Variants in EBF2 observed in about 807,000 individuals in gnomAD.
EBF2 encodes the protein transcription factor COE2.
A neutral mutation model predicts 72.8 loss-of-function variants in EBF2; 21 were observed. The ratio of observed to expected loss-of-function variants is 0.29; its 90% CI spans 0.20 to 0.42. The LOEUF (loss-of-function observed/expected upper bound fraction) is 0.42. Among genes scored for constraint, EBF2 ranks in the 10% least tolerant of loss-of-function variants. The probability of loss-of-function intolerance (pLI) is 1.00; values close to 1 mark genes in which losing one functional copy is unlikely to be tolerated. For synonymous variants in EBF2, 299 were observed against 274.2 expected (o/e 1.09, Z -0.89); for missense variants, 637 against 731.2 (o/e 0.87, Z 1.49).
At chr8:26,007,323 G>A (rs1444038111) in intron 6 of EBF2, among the ~76,000 whole-genome samples, 2 of 152,160 alleles carry the variant, frequency 1.3e-5, no homozygotes, top group African/African-American at 2.4e-5. Context: ...AACACCCCCT[G>A]TGGCCTCTGA....
intron 6 of EBF2, among the ~76,000 whole-genome samples, chr8:25,943,311 CAAA>C (rs71551840): frequency 4.6e-4 from 27 of 59,154 alleles, no homozygotes; most frequent in African/African-American, 1.1e-3. Flanking sequence ...TGTCTCTACA[CAAA>C]AAAAAAAAAA....
intron 6 of EBF2, among the ~76,000 whole-genome samples, chr8:26,002,082 A>G (rs1585222420): frequency 6.6e-6 from 1 of 152,200 alleles, no homozygotes; most frequent in East Asian, 1.9e-4. Context: ...AGCACAGACA[A>G]AGGGAACCGG....
chr8:25,843,144 C>T lies in EBF2; in HGVS notation c.*1465G>A, dbSNP rs770018325. Reference sequence around the variant, plus strand: ...AAGAGCCCATCAAAGGGCTGGGTAACTGTGCTGCATAGAACGCAGATGCCC... The same window carrying T: ...AAGAGCCCATCAAAGGGCTGGGTAATTGTGCTGCATAGAACGCAGATGCCC... On this transcript the variant is annotated 3_prime_UTR_variant, in exon 16 of 16. Transcript: ENST00000520164. 11 of 152,226 alleles carry T rather than the reference C, an allele frequency of 7.2e-5. No individual in the cohort carries two copies. The highest frequency in any genetic ancestry group is 4.4e-5 in the Non-Finnish European group (3 of 68,064). 9.4% of individuals were successfully genotyped at this position (152,226 alleles called of 1,614,324 possible).
At chr8:25,906,521 A>G (rs955282598) in intron 7 of EBF2, among the ~76,000 whole-genome samples, 1 of 152,010 alleles carries the variant, frequency 6.6e-6, no homozygotes, top group African/African-American at 2.4e-5. Context: ...AATCCCAGCA[A>G]TTTAGAAGGC....
chr8:25,977,922 A>G (rs1804295069), intron 6 of EBF2, among the ~76,000 whole-genome samples: 1 of 152,082 alleles, frequency 6.6e-6, no homozygotes, highest in Admixed American at 6.5e-5. Flanking sequence ...TTATTATTTC[A>G]TTATTTTCCC....
intron 6 of EBF2, among the ~76,000 whole-genome samples, chr8:25,970,704 TTA>T (rs752419533): frequency 9.9e-5 from 15 of 152,184 alleles, no homozygotes; most frequent in Non-Finnish European, 2.2e-4. Flanking sequence ...GGTGCTTGCA[TTA>T]TTGCTTGTCC....
At chr8:25,972,794 C>T (rs1282240236) in intron 6 of EBF2, among the ~76,000 whole-genome samples, 3 of 150,678 alleles carry the variant, frequency 2.0e-5, no homozygotes, top group East Asian at 2.0e-4. Context: ...CAATATAAGC[C>T]GTATTTCAAA....
In EBF2 at chr8:26,045,391, C is replaced by A. The variant is rs961100539; in HGVS notation, c.-532G>T. Reference sequence around the variant, plus strand: ...CCCGGCTGCAGCCGCGCGCGGGCCCCATGAATGGGTTACTACGGCCCTGGC... The same window carrying A: ...CCCGGCTGCAGCCGCGCGCGGGCCCAATGAATGGGTTACTACGGCCCTGGC... On this transcript the variant is annotated 5_prime_UTR_variant, in exon 1 of 16. The change abolishes an upstream ATG in the 5' untranslated region. Coordinates refer to ENST00000520164, the MANE Select transcript of EBF2 (RefSeq NM_022659.4). 1 of 152,364 alleles carries A rather than the reference C, an allele frequency of 6.6e-6. No homozygotes were observed. Among genetic ancestry groups the A allele is most frequent in the South Asian group, 2.1e-4 (1 of 4,832 alleles). The allele number at this position is 152,364 out of a possible 1,614,324, so 9.4% of individuals were successfully genotyped here. A position where few individuals can be genotyped will look rare whatever the true frequency, so the allele number is the denominator to read the frequency against.
intron 4 of EBF2, 44 bp from the exon 5 acceptor site, chr8:26,040,145 T>C: frequency 6.3e-7 from 1 of 1,579,220 alleles, no homozygotes; most frequent in Non-Finnish European, 8.7e-7. Context: ...TGGAGAGGGG[T>C]GGGGGGCAAG....
intron 6 of EBF2, among the ~76,000 whole-genome samples, chr8:25,975,438 C>A (rs1271181750): frequency 6.6e-6 from 1 of 152,122 alleles, no homozygotes; most frequent in Non-Finnish European, 1.5e-5. Context: ...GGATAAAATT[C>A]AGATGTACAT....
intron 6 of EBF2, among the ~76,000 whole-genome samples, chr8:25,998,678 GCTTAGAGATTTACAGC>G (rs1804675229): frequency 6.6e-6 from 1 of 152,164 alleles, no homozygotes; most frequent in Non-Finnish European, 1.5e-5. Context: ...TATTACCAGG[GCTTAGAGATTTACAGC>G]CTATTTTAAA....
At chr8:25,958,758 G>A (rs1245095754) in intron 6 of EBF2, among the ~76,000 whole-genome samples, 1 of 152,190 alleles carries the variant, frequency 6.6e-6, no homozygotes, top group Non-Finnish European at 1.5e-5. Context: ...TAGAACGGCG[G>A]CTTTCCCTTT....
chr8:25,889,838 C>A lies in EBF2; in HGVS notation c.665G>T (p.Gly222Val). The A allele has an allele frequency of 6.2e-7, 1 of 1,613,938 alleles. No individual in the cohort carries two copies. Among genetic ancestry groups the A allele is most frequent in the Non-Finnish European group, 8.5e-7 (1 of 1,179,916 alleles). The change falls in exon 8 of 16, where the codon GGA (glycine) becomes GTA (valine). Residue 222 changes from glycine to valine, a missense_variant. Around this residue, in one of 3 missense-constraint regions of EBF2, gnomAD observed 204 missense variants for 301.2 expected, o/e 0.68. Transcript: ENST00000520164. ...GTTGTCAGAAACAGCCAGGACGTGTCCATCCACATTCACCGTTGTTGACAA... is the reference window on the plus strand; with the variant it reads ...GTTGTCAGAAACAGCCAGGACGTGTACATCCACATTCACCGTTGTTGACAA... Reference protein sequence around the residue: ...VVLSTTVNVDGHVLAVSDNMF... With the variant: ...VVLSTTVNVDVHVLAVSDNMF...
chr8:25,843,955 C>T lies in EBF2; in HGVS notation c.*654G>A, dbSNP rs1440170654. 1 of 151,984 alleles carries T rather than the reference C, an allele frequency of 6.6e-6. No individual in the cohort carries two copies. The highest frequency in any genetic ancestry group is 1.5e-5 in the Non-Finnish European group (1 of 67,966). The allele number at this position is 151,984 out of a possible 1,614,324, so 9.4% of individuals were successfully genotyped here. A position where few individuals can be genotyped will look rare whatever the true frequency, so the allele number is the denominator to read the frequency against. On this transcript the variant is annotated 3_prime_UTR_variant, in exon 16 of 16. Coordinates refer to ENST00000520164, the MANE Select transcript of EBF2 (RefSeq NM_022659.4). ...TTACATCAGGAAGAGAAATCCCTCT[C>T]TCTTCCAAAAAAAGGTCTTAATTTC...
intron 1 of EBF2, among the ~76,000 whole-genome samples, chr8:26,043,548 C>A (rs988236425): frequency 2.0e-5 from 3 of 152,166 alleles, no homozygotes; most frequent in Admixed American, 6.5e-5. Context: ...CCGCGCTGTG[C>A]GGTCTGCCGG....
chr8:25,882,628 G>C (rs758665602), intron 10 of EBF2, among the ~76,000 whole-genome samples: 2 of 152,202 alleles, frequency 1.3e-5, no homozygotes, highest in African/African-American at 2.4e-5. Flanking sequence ...CAGTTGCCAG[G>C]CACTGTATCA....
chr8:25,928,058 G>T (rs939390161), intron 6 of EBF2, among the ~76,000 whole-genome samples: 1 of 152,184 alleles, frequency 6.6e-6, no homozygotes, highest in Non-Finnish European at 1.5e-5. Flanking sequence ...CCACACAAAG[G>T]TAGCCAAAAC....
chr8:25,936,822 T>C (rs1803587163), intron 6 of EBF2, among the ~76,000 whole-genome samples: 1 of 152,194 alleles, frequency 6.6e-6, no homozygotes, highest in Non-Finnish European at 1.5e-5. Context: ...TTGTCTACAC[T>C]CTGGAGGCTT....
At chr8:25,862,900 G>T in intron 10 of EBF2, 103 bp from the exon 11 acceptor site, 1 of 662,356 alleles carries the variant, frequency 1.5e-6, no homozygotes, top group Non-Finnish European at 2.3e-6. Context: ...ATGCATAATG[G>T]ATGTAATCAG....
Sources: gnomAD v4.1 joint callset for allele counts (sites outside exome capture counted in the v4.1 genomes callset) on GRCh38, gnomAD v4.1.1 for gene constraint, gnomAD v4.1.1 regional missense constraint, MANE v1.5 for transcripts, NCBI Gene and HGNC (gene_info 2026-07-23, HGNC 2026-07-21) for gene names.